LMO7: variants seen among roughly 807,000 people sequenced by gnomAD.
LMO7 encodes the protein LIM domain only protein 7.
LMO7 carries 120 observed loss-of-function variants against 206.5 expected under a neutral mutation model. The observed-to-expected ratio is 0.58, with a 90% CI of 0.50 to 0.68. The LOEUF is 0.68. LMO7 is among the 30% of genes least tolerant of loss of function. LMO7 has a pLI of 0.00. For synonymous variants in LMO7, 706 were observed against 681.5 expected, an observed-to-expected ratio of 1.04 and a Z score of -0.56; for missense variants, 1,959 against 1,957.9, an observed-to-expected ratio of 1.00 and a Z score of -0.01.
At chr13:75,670,435 CA>C in intron 1 of LMO7, among the ~76,000 whole-genome samples, 1 of 152,260 alleles carries the variant, frequency 6.6e-6, no homozygotes, top group African/African-American at 2.4e-5. Context: ...CTTACACAAA[CA>C]TAGATGGTGT....
intron 1 of LMO7, among the ~76,000 whole-genome samples, chr13:75,646,217 A>G (rs2036993282): frequency 6.6e-6 from 1 of 152,144 alleles, no homozygotes; most frequent in Non-Finnish European, 1.5e-5. Context: ...CACACATCCA[A>G]TCTGTGAAGA....
Position 75,739,686 on chromosome 13 carries a change from A to G in LMO7, c.210+12588A>G, listed in dbSNP as rs75816278. Among the ~76,000 whole-genome samples, 66 of 152,294 alleles carry G rather than the reference A, an allele frequency of 4.3e-4. 1 individual carries two copies. In the East Asian group the frequency reaches 0.012, roughly 27 times the overall value. The stretch of plus-strand genomic sequence containing the variant: ...ACGGCAAAATAGTGTGACCTGCTCT[A>G]TGTGGTGATCACTGCTGACACATCG... On this transcript the variant is annotated intron_variant, in intron 3 of 30. Transcript: ENST00000377534.
intron 3 of LMO7, among the ~76,000 whole-genome samples, chr13:75,732,177 G>A (rs1219242430): frequency 2.0e-5 from 3 of 152,112 alleles, no homozygotes; most frequent in African/African-American, 4.8e-5. Flanking sequence ...GGCCTGCCTT[G>A]CTAGATTGGG....
chr13:75,694,776 C>T (rs1043066909), intron 1 of LMO7, among the ~76,000 whole-genome samples: 1 of 152,090 alleles, frequency 6.6e-6, no homozygotes, highest in Non-Finnish European at 1.5e-5. Context: ...AGGGCAAATG[C>T]TCACCTGGGA....
In LMO7 at chr13:75,727,175, T is replaced by A. The variant is rs1050735225; in HGVS notation, c.210+77T>A. 7.3e-6 allele frequency: 6 copies of A among 827,456 alleles called. No individual in the cohort carries two copies. In the African/African-American group the frequency reaches 1.0e-4, roughly 14 times the overall value. 51.3% of individuals were successfully genotyped at this position (827,456 alleles called of 1,614,324 possible). ...AGAGGTGGGCATAGGCAGATTTTTG[T>A]ATCTGCAATTACCACTGAAATTAGG... On this transcript the variant is annotated intron_variant, in intron 3 of 30. Transcript: ENST00000377534.
At chr13:75,683,584 C>A (rs1181185346) in intron 1 of LMO7, among the ~76,000 whole-genome samples, 9 of 152,158 alleles carry the variant, frequency 5.9e-5, no homozygotes, top group Non-Finnish European at 1.0e-4. Context: ...TAAGTATATA[C>A]CTTGGCAATA....
intron 1 of LMO7, among the ~76,000 whole-genome samples, chr13:75,703,065 T>C (rs141677561): frequency 8.9e-4 from 135 of 152,290 alleles, no homozygotes; most frequent in Non-Finnish European, 1.6e-3. Context: ...AGGATGGGTT[T>C]TCTCCTGTGC....
chr13:75,839,220 G>A (rs1401853509), intron 20 of LMO7, among the ~76,000 whole-genome samples: 1 of 152,124 alleles, frequency 6.6e-6, no homozygotes. Flanking sequence ...GAAACAGTAT[G>A]ATACTCCTTC....
chr13:75,758,633 T>C (rs1325579502), intron 3 of LMO7, among the ~76,000 whole-genome samples: 2 of 152,206 alleles, frequency 1.3e-5, no homozygotes, highest in African/African-American at 4.8e-5. Flanking sequence ...ACTTTAGATG[T>C]CAAGTTCTTT....
Position 75,858,237 on chromosome 13 carries a change from T to A in LMO7, c.*294T>A, listed in dbSNP as rs1454864994. 1 of 328,572 alleles carries A rather than the reference T, an allele frequency of 3.0e-6. No homozygotes were observed. Among genetic ancestry groups the A allele is most frequent in the African/African-American group, 2.1e-5 (1 of 46,880 alleles). 20.4% of individuals were successfully genotyped at this position (328,572 alleles called of 1,614,324 possible). A position where few individuals can be genotyped will look rare whatever the true frequency, so the allele number is the denominator to read the frequency against. ...AACCTACGAATATTTTTGAGGCAGATAATGATCTAGTTTGACTTTCTAGTT... is the reference window on the plus strand; with the variant it reads ...AACCTACGAATATTTTTGAGGCAGAAAATGATCTAGTTTGACTTTCTAGTT... On this transcript the variant is annotated 3_prime_UTR_variant, in exon 31 of 31. Coordinates refer to ENST00000377534, the MANE Select transcript of LMO7 (RefSeq NM_001306080.2).
At chr13:75,633,857 T>C (rs1261898562), upstream of LMO7, among the ~76,000 whole-genome samples, 2 of 144,622 alleles carry the variant, frequency 1.4e-5, no homozygotes, top group African/African-American at 5.1e-5. Context: ...TTTTTTTTTT[T>C]TTTTTTTTTG....
intron 4 of LMO7, among the ~76,000 whole-genome samples, chr13:75,770,047 A>G (rs1438549836): frequency 6.6e-6 from 1 of 152,048 alleles, no homozygotes; most frequent in Non-Finnish European, 1.5e-5. Flanking sequence ...ATAGGGGTAT[A>G]TTCACTTATA....
At chr13:75,836,578 C>A in intron 19 of LMO7, 121 bp downstream of exon 19, 1 of 611,478 alleles carries the variant, frequency 1.6e-6, no homozygotes, top group South Asian at 2.2e-5. Context: ...CAAGTTGAAA[C>A]TAAAAGGTTA....
At chr13:75,760,776 T>A in intron 3 of LMO7, 156 bp from the exon 4 acceptor site, 2 of 1,539,556 alleles carry the variant, frequency 1.3e-6, no homozygotes, top group Non-Finnish European at 1.7e-6. Context: ...AAGCCCTATG[T>A]ATTTTTTTTC....
At chr13:75,827,065 C>G (rs914594667) in intron 15 of LMO7, among the ~76,000 whole-genome samples, 2 of 152,120 alleles carry the variant, frequency 1.3e-5, no homozygotes, top group Non-Finnish European at 2.9e-5. Context: ...AACTTCTTAC[C>G]CTTGAAAAGT....
intron 1 of LMO7, among the ~76,000 whole-genome samples, chr13:75,652,682 A>G (rs1378147350): frequency 2.6e-5 from 4 of 151,648 alleles, no homozygotes; most frequent in African/African-American, 9.7e-5. Flanking sequence ...TGCACATCAT[A>G]GAAGAGTAGA....
intron 1 of LMO7, among the ~76,000 whole-genome samples, chr13:75,664,536 T>C (rs1183753441): frequency 1.3e-5 from 2 of 152,214 alleles, no homozygotes; most frequent in Non-Finnish European, 2.9e-5. Context: ...CTTTTGTGTA[T>C]ATACCTAAGA....
chr13:75,840,542 G>A (rs201298355), intron 22 of LMO7, 47 bp downstream of exon 22: 5 of 1,595,104 alleles, frequency 3.1e-6, no homozygotes, highest in East Asian at 2.3e-5. Context: ...TGGATTTCAC[G>A]GCTTTTCTCC....
chr13:75,698,258 CCTATT>C (rs888765997), intron 1 of LMO7, among the ~76,000 whole-genome samples: 3 of 151,812 alleles, frequency 2.0e-5, no homozygotes, highest in African/African-American at 4.8e-5. Context: ...CAAATTAAGA[CCTATT>C]CTTGTGAAAA....
Sources: allele counts gnomAD v4.1 joint callset (sites outside exome capture counted in the v4.1 genomes callset), GRCh38; gene constraint gnomAD v4.1.1; transcripts MANE v1.5; gene names NCBI Gene and HGNC (gene_info 2026-07-23, HGNC 2026-07-21).